The following PTH2R variants were observed in gnomAD, a reference collection of about 807,000 sequenced individuals.
PTH2R encodes parathyroid hormone 2 receptor.
Under a neutral mutation model 60.3 loss-of-function variants are expected in PTH2R, and 59 were observed. The ratio of observed to expected loss-of-function variants is 0.98; its 90% confidence interval spans 0.79 to 1.22. The LOEUF (loss-of-function observed/expected upper bound fraction) is 1.22, where lower values mean the gene tolerates loss of function less well. Ranked by LOEUF, PTH2R falls within the 50% of genes most tolerant of loss-of-function variation. PTH2R has a pLI of 0.00. For synonymous variants in PTH2R, 256 were observed against 243.8 expected (o/e 1.05, Z -0.47); for missense variants, 749 against 682.6 (o/e 1.10, Z -1.08).
chr2:208,386,859 A>G (rs1465631753), intron 1 of PTH2R, among the ~76,000 whole-genome samples: 2 of 152,208 alleles, frequency 1.3e-5, no homozygotes, highest in African/African-American at 4.8e-5. Flanking sequence ...TCCAAATACT[A>G]TCACACTGGG....
intron 6 of PTH2R, among the ~76,000 whole-genome samples, chr2:208,443,924 A>C (rs1273346239): frequency 6.6e-6 from 1 of 152,182 alleles, no homozygotes; most frequent in African/African-American, 2.4e-5. Flanking sequence ...TGAGTACTCG[A>C]AGACTTGTTC....
intron 10 of PTH2R, 150 bp from the exon 11 acceptor site, chr2:208,488,862 T>C (rs1381130094): frequency 1.1e-5 from 9 of 787,736 alleles, no homozygotes; most frequent in African/African-American, 3.5e-5. Context: ...GGGAGACAGA[T>C]AGAGTGAAAC....
intron 1 of PTH2R, among the ~76,000 whole-genome samples, chr2:208,380,308 T>C (rs1400520948): frequency 6.6e-6 from 1 of 152,138 alleles, no homozygotes; most frequent in Non-Finnish European, 1.5e-5. Flanking sequence ...CACAAGATGC[T>C]TGTATGTGAA....
intron 1 of PTH2R, among the ~76,000 whole-genome samples, chr2:208,420,028 T>C (rs1574856569): frequency 6.6e-6 from 1 of 151,896 alleles, no homozygotes; most frequent in African/African-American, 2.4e-5. Context: ...AGCAAACTAT[T>C]GCAAGGACAA....
At chr2:208,411,743 C>T (rs542111249) in intron 1 of PTH2R, among the ~76,000 whole-genome samples, 9 of 152,130 alleles carry the variant, frequency 5.9e-5, no homozygotes, top group East Asian at 1.9e-4. Context: ...TTTAAACAGC[C>T]GTGTGACTTT....
intron 1 of PTH2R, among the ~76,000 whole-genome samples, chr2:208,365,920 TAATAGATAA>T (rs1700569618): frequency 9.9e-6 from 1 of 101,240 alleles, no homozygotes; most frequent in African/African-American, 4.1e-5. Context: ...ATATATAATA[TAATAGATAA>T]ATATATATAT....
chr2:208,488,931 G>GTT, intron 10 of PTH2R, 81 bp from the exon 11 acceptor site: 5 of 1,406,080 alleles, frequency 3.6e-6, no homozygotes, highest in African/African-American at 1.5e-5. Context: ...GCTCTGCTAA[G>GTT]TTTTTTTTTT....
rs561432115 is a variant in PTH2R at position 208,401,308 on chromosome 2, C to T, written c.-258-26893C>T. ...CTCCCCTACCTGCCACCTGTATGTT[C>T]CAATGTTACCTGAAATGGAACATGA... is the stretch of plus-strand genomic sequence containing the variant. On this transcript the variant is annotated intron_variant, in intron 1 of 12. Coordinates refer to the PTH2R transcript ENST00000617735. 4.5e-4 allele frequency among the ~76,000 whole-genome samples: 68 copies of T among 152,258 alleles called. 1 individual carries two copies. Among genetic ancestry groups the T allele is most frequent in the Admixed American group, 4.1e-3 (63 of 15,298 alleles).
chr2:208,442,729 G>T (rs13022702), intron 5 of PTH2R, among the ~76,000 whole-genome samples: 39 of 152,022 alleles, frequency 2.6e-4, no homozygotes, highest in Non-Finnish European at 4.4e-4. Flanking sequence ...AGACAGCATC[G>T]AATTGAATGA....
rs947335082 is a variant in PTH2R, at chr2:208,406,974, G to C, written c.-70G>C. ...CACAAGTTTGCTCTGGGCCAGCCAAGTTGGCAACTTGGAAGCTTCTCCCGG... is the reference window on the plus strand; with the variant it reads ...CACAAGTTTGCTCTGGGCCAGCCAACTTGGCAACTTGGAAGCTTCTCCCGG... On this transcript the variant is annotated 5_prime_UTR_variant, in exon 1 of 13. Coordinates refer to ENST00000272847, the MANE Select transcript of PTH2R (RefSeq NM_005048.4). 1.5e-6 allele frequency: 2 copies of C among 1,310,434 alleles called. No individual in the cohort carries two copies. The highest frequency in any genetic ancestry group is 2.0e-6 in the Non-Finnish European group (2 of 1,005,590). 81.2% of individuals were successfully genotyped at this position (1,310,434 alleles called of 1,614,324 possible).
chr2:208,450,328 C>A (rs1457072777), intron 7 of PTH2R, among the ~76,000 whole-genome samples: 1 of 152,178 alleles, frequency 6.6e-6, no homozygotes, highest in African/African-American at 2.4e-5. Flanking sequence ...TGAAAAAATT[C>A]TAAGTTTTTA....
At chr2:208,428,825 C>T (rs904600816) in intron 2 of PTH2R, among the ~76,000 whole-genome samples, 1 of 152,194 alleles carries the variant, frequency 6.6e-6, no homozygotes, top group African/African-American at 2.4e-5. Context: ...TGGCTCACGC[C>T]TGTAATCCCA....
At chr2:208,472,419 C>T (rs1443532903) in intron 9 of PTH2R, among the ~76,000 whole-genome samples, 1 of 152,196 alleles carries the variant, frequency 6.6e-6, no homozygotes, top group Non-Finnish European at 1.5e-5. Context: ...CAAATCTCAT[C>T]TTGAATTCCC....
intron 7 of PTH2R, among the ~76,000 whole-genome samples, chr2:208,445,907 GCT>G (rs934842540): frequency 1.7e-4 from 26 of 152,114 alleles, no homozygotes; most frequent in African/African-American, 6.0e-4. Context: ...CTGTTTTAAG[GCT>G]CTTTCTTATC....
chr2:208,462,539 TG>T (rs1009477909), intron 9 of PTH2R, among the ~76,000 whole-genome samples: 1 of 152,182 alleles, frequency 6.6e-6, no homozygotes, highest in East Asian at 1.9e-4. Context: ...ACAGAAATCC[TG>T]GAAATCCAGG....
At chr2:208,454,899 T>A (rs1308239961) in intron 8 of PTH2R, among the ~76,000 whole-genome samples, 1 of 152,124 alleles carries the variant, frequency 6.6e-6, no homozygotes, top group Non-Finnish European at 1.5e-5. Flanking sequence ...GAAAAAAAAA[T>A]CACATACTGT....
chr2:208,387,843 C>G (rs972305998), intron 1 of PTH2R, among the ~76,000 whole-genome samples: 1 of 152,196 alleles, frequency 6.6e-6, no homozygotes, highest in Non-Finnish European at 1.5e-5. Context: ...AACGGATGCT[C>G]TCATGTTAAA....
At chr2:208,375,413 A>G (rs1315700799) in intron 1 of PTH2R, among the ~76,000 whole-genome samples, 1 of 152,182 alleles carries the variant, frequency 6.6e-6, no homozygotes, top group Non-Finnish European at 1.5e-5. Flanking sequence ...CCTAAATGTC[A>G]TTCCACTCAA....
At chr2:208,466,109 T>G (rs545718284) in intron 9 of PTH2R, 4 of 152,320 alleles carry the variant, frequency 2.6e-5, no homozygotes, top group Non-Finnish European at 4.4e-5. Flanking sequence ...AGTCATTTAC[T>G]TAGGTGCCTT....
Sources: gnomAD v4.1 joint callset for allele counts (sites outside exome capture counted in the v4.1 genomes callset) on GRCh38, gnomAD v4.1.1 for gene constraint, MANE v1.5 for transcripts, NCBI Gene and HGNC (gene_info 2026-07-23, HGNC 2026-07-21) for gene names.